GALNT13: variants seen among roughly 807,000 people sequenced by gnomAD.
GALNT13 encodes the protein polypeptide N-acetylgalactosaminyltransferase 13.
GALNT13 carries 28 observed loss-of-function variants against 64.2 expected under a neutral mutation model. The observed-to-expected ratio is 0.44, with a 90% CI of 0.32 to 0.60. GALNT13 has a LOEUF of 0.60. Ranked by LOEUF, GALNT13 falls within the 20% of genes least tolerant of loss-of-function variation. GALNT13 has a pLI of 0.05. For missense variants in GALNT13, 577 were observed against 669.8 expected, an observed-to-expected ratio of 0.86 and a Z score of 1.53; for synonymous variants, 214 against 224.6, an observed-to-expected ratio of 0.95 and a Z score of 0.42.
the GALNT13 span, among the ~76,000 whole-genome samples, chr2:153,800,643 C>T: frequency 1.3e-5 from 2 of 152,234 alleles, no homozygotes; most frequent in African/African-American, 4.8e-5. Flanking sequence ...GTCATTTCAA[C>T]GACGTTCACA....
intron 9 of GALNT13, among the ~76,000 whole-genome samples, chr2:154,312,097 G>A (rs1298201572): frequency 6.6e-6 from 1 of 152,076 alleles, no homozygotes; most frequent in African/African-American, 2.4e-5. Flanking sequence ...TTAAAGCAAA[G>A]ACAGGCATAG....
chr2:153,158,053 C>T, the GALNT13 span, among the ~76,000 whole-genome samples: 1 of 151,984 alleles, frequency 6.6e-6, no homozygotes, highest in South Asian at 2.1e-4. Context: ...GTGATTATTT[C>T]CTGGACAGCT....
the GALNT13 span, among the ~76,000 whole-genome samples, chr2:153,074,661 T>A: frequency 6.6e-6 from 1 of 152,216 alleles, no homozygotes; most frequent in East Asian, 1.9e-4. Context: ...TCATTTTGCA[T>A]GGTGTCCATC....
At chr2:153,623,880 GT>G in the GALNT13 span, among the ~76,000 whole-genome samples, 3 of 151,970 alleles carry the variant, frequency 2.0e-5, no homozygotes, top group African/African-American at 7.2e-5. Flanking sequence ...ATTAAAGAAT[GT>G]TTTTTAGGGA....
intron 3 of GALNT13, among the ~76,000 whole-genome samples, chr2:154,122,078 A>G (rs191088055): frequency 4.6e-5 from 7 of 152,162 alleles, no homozygotes; most frequent in Admixed American, 3.3e-4. Context: ...TTGGATTTCG[A>G]AATTTTATGC....
At chr2:154,440,582 C>T (rs970537901) in intron 12 of GALNT13, among the ~76,000 whole-genome samples, 1 of 151,980 alleles carries the variant, frequency 6.6e-6, no homozygotes, top group African/African-American at 2.4e-5. Context: ...GTCATGTTTA[C>T]TTTGACTTTG....
chr2:154,169,938 GAGCAGA>G (rs1162978963), intron 4 of GALNT13, among the ~76,000 whole-genome samples: 1 of 152,038 alleles, frequency 6.6e-6, no homozygotes. Context: ...GAGTTCTAGG[GAGCAGA>G]AGCACAGTGC....
intron 3 of GALNT13, among the ~76,000 whole-genome samples, chr2:154,109,971 A>G (rs1702842566): frequency 6.6e-6 from 1 of 152,102 alleles, no homozygotes; most frequent in Admixed American, 6.6e-5. Context: ...TTAGTAGCAG[A>G]CAGTTCTTGC....
the GALNT13 span, among the ~76,000 whole-genome samples, chr2:153,726,829 ACT>A: frequency 6.6e-6 from 1 of 151,654 alleles, no homozygotes; most frequent in Admixed American, 6.6e-5. Context: ...AGTCCCAGCT[ACT>A]CAGGAGGCTG....
At chr2:153,810,098 C>G in the GALNT13 span, among the ~76,000 whole-genome samples, 1 of 152,056 alleles carries the variant, frequency 6.6e-6, no homozygotes, top group African/African-American at 2.4e-5. Flanking sequence ...GTAGCTGGGA[C>G]TGCAGGCGCC....
chr2:153,466,709 C>A, the GALNT13 span, among the ~76,000 whole-genome samples: 1 of 152,016 alleles, frequency 6.6e-6, no homozygotes, highest in African/African-American at 2.4e-5. Context: ...TGATAAGACA[C>A]ATTTTTCTCA....
intron 9 of GALNT13, among the ~76,000 whole-genome samples, chr2:154,351,431 C>A (rs947401251): frequency 6.6e-6 from 1 of 151,902 alleles, no homozygotes; most frequent in East Asian, 1.9e-4. Flanking sequence ...CGCCTGTAAT[C>A]CCAGCACTTT....
At chr2:154,399,172 A>G (rs990050378) in intron 10 of GALNT13, among the ~76,000 whole-genome samples, 5 of 152,264 alleles carry the variant, frequency 3.3e-5, no homozygotes, top group African/African-American at 1.2e-4. Context: ...GGTCACAGCT[A>G]TTCAAGTGGC....
the GALNT13 span, among the ~76,000 whole-genome samples, chr2:153,561,609 G>A: frequency 6.6e-6 from 1 of 151,212 alleles, no homozygotes; most frequent in Non-Finnish European, 1.5e-5. Context: ...TTGCATTTCA[G>A]ATTTTTGGAT....
the GALNT13 span, among the ~76,000 whole-genome samples, chr2:153,101,963 A>G: frequency 1.3e-5 from 2 of 152,256 alleles, no homozygotes; most frequent in East Asian, 1.9e-4. Context: ...TAATATTTCA[A>G]CATATAGATA....
intron 3 of GALNT13, among the ~76,000 whole-genome samples, chr2:154,091,783 T>A (rs1701821830): frequency 6.6e-6 from 1 of 151,964 alleles, no homozygotes; most frequent in Admixed American, 6.6e-5. Flanking sequence ...AAAGGCCTTT[T>A]ATTTTTTTCC....
chr2:154,135,330 T>TA (rs1682887544), intron 3 of GALNT13, among the ~76,000 whole-genome samples: 1 of 152,192 alleles, frequency 6.6e-6, no homozygotes, highest in African/African-American at 2.4e-5. Flanking sequence ...CTAGCTGATG[T>TA]AAAATGCTAC....
intron 3 of GALNT13, among the ~76,000 whole-genome samples, chr2:154,091,473 A>G (rs1398895106): frequency 6.6e-6 from 1 of 151,948 alleles, no homozygotes; most frequent in Non-Finnish European, 1.5e-5. Flanking sequence ...ACCAATATAA[A>G]TAATTTGTAT....
At chr2:153,759,342 T>G in the GALNT13 span, among the ~76,000 whole-genome samples, 2 of 152,192 alleles carry the variant, frequency 1.3e-5, no homozygotes, top group Admixed American at 6.5e-5. Context: ...CTTTCAGCAC[T>G]ATAGTGAAGA....
Sources: allele counts gnomAD v4.1 joint callset (sites outside exome capture counted in the v4.1 genomes callset), GRCh38; gene constraint gnomAD v4.1.1; transcripts MANE v1.5; gene names NCBI Gene and HGNC (gene_info 2026-07-23, HGNC 2026-07-21).